The following TNRC6B variants were observed in gnomAD, a reference collection of about 807,000 sequenced individuals.
TNRC6B encodes trinucleotide repeat containing adaptor 6B.
TNRC6B carries 52 observed loss-of-function variants against 203.6 expected under a neutral mutation model. The ratio of observed to expected loss-of-function variants is 0.26; its 90% CI spans 0.20 to 0.32. TNRC6B has a LOEUF of 0.32. Ranked by LOEUF, TNRC6B falls within the 10% of genes least tolerant of loss-of-function variation. The pLI, the probability that TNRC6B is intolerant of heterozygous loss-of-function variation, is 1.00. For missense variants in TNRC6B, 1,923 were observed against 2,286.2 expected (o/e 0.84, Z 3.24); for synonymous variants, 838 against 845.7 (o/e 0.99, Z 0.16).
chr22:40,103,239 G>A (rs1190529743), intron 1 of TNRC6B, among the ~76,000 whole-genome samples: 1 of 151,108 alleles, frequency 6.6e-6, no homozygotes, highest in African/African-American at 2.4e-5. Flanking sequence ...CTGCACTCCA[G>A]CCTGGGCGAC....
intron 1 of TNRC6B, among the ~76,000 whole-genome samples, chr22:40,091,306 A>G (rs1379111846): frequency 6.6e-6 from 1 of 152,182 alleles, no homozygotes; most frequent in Non-Finnish European, 1.5e-5. Context: ...CATTAACCAT[A>G]TACCATCCCT....
chr22:40,230,282 C>CTT (rs56122256), intron 1 of TNRC6B, among the ~76,000 whole-genome samples: 49 of 94,434 alleles, frequency 5.2e-4, no homozygotes, highest in Middle Eastern at 6.9e-3. Flanking sequence ...TGCCCATCTT[C>CTT]TTTTTTTTTT....
intron 3 of TNRC6B, among the ~76,000 whole-genome samples, chr22:40,258,664 C>G (rs1299361679): frequency 6.6e-6 from 1 of 152,062 alleles, no homozygotes. Context: ...TCTCCTGGGC[C>G]AGAGCACACT....
In TNRC6B at chr22:40,286,459, A is replaced by G. The variant is rs553479045; in HGVS notation, c.3708+689A>G. On this transcript the variant is annotated intron_variant, in intron 12 of 22. Coordinates refer to ENST00000454349, the MANE Select transcript of TNRC6B (RefSeq NM_001162501.2). ...GAGGCAGAGGTTACAGTGAACCGAG[A>G]TGATGCCACTGCACTCCAGCCTGGG... 9.2e-4 allele frequency among the ~76,000 whole-genome samples: 140 copies of G among 152,282 alleles called. 1 individual carries two copies. Among genetic ancestry groups the G allele is most frequent in the African/African-American group, 2.6e-3 (110 of 41,568 alleles).
chr22:40,070,933 G>T (rs138531108), intron 1 of TNRC6B, among the ~76,000 whole-genome samples: 1 of 152,174 alleles, frequency 6.6e-6, no homozygotes, highest in African/African-American at 2.4e-5. Flanking sequence ...ATAGTTTCAT[G>T]TCAGTTCAGG....
intron 1 of TNRC6B, among the ~76,000 whole-genome samples, chr22:40,061,280 T>TATTGG (rs2067848757): frequency 6.6e-6 from 1 of 152,186 alleles, no homozygotes; most frequent in Non-Finnish European, 1.5e-5. Flanking sequence ...AATGGTGTGA[T>TATTGG]CTTGGCTCAC....
chr22:40,193,766 T>C (rs1218753529), intron 1 of TNRC6B, among the ~76,000 whole-genome samples: 1 of 152,044 alleles, frequency 6.6e-6, no homozygotes, highest in Non-Finnish European at 1.5e-5. Context: ...AAGCATTCAC[T>C]GTTTCTGTAA....
At chr22:40,213,728 G>A (rs531489203) in intron 1 of TNRC6B, among the ~76,000 whole-genome samples, 2 of 152,138 alleles carry the variant, frequency 1.3e-5, no homozygotes, top group South Asian at 2.1e-4. Context: ...TGCAGTGATC[G>A]CACAGCTAGT....
At chr22:40,046,888 G>A (rs181739272) in intron 1 of TNRC6B, among the ~76,000 whole-genome samples, 1,908 of 151,808 alleles carry the variant, frequency 0.013, 45 homozygotes, top group African/African-American at 0.043. Context: ...TTCATGATCC[G>A]CCCGCCTCGG....
intron 3 of TNRC6B, 54 bp from the exon 4 acceptor site, chr22:40,261,778 G>GA: frequency 1.5e-6 from 2 of 1,331,336 alleles, no homozygotes; most frequent in Non-Finnish European, 2.0e-6. Context: ...AAAATTTTTA[G>GA]AAAAAATGTA....
chr22:40,128,330 A>C (rs2068511969), intron 3 of TNRC6B, among the ~76,000 whole-genome samples: 1 of 152,194 alleles, frequency 6.6e-6, no homozygotes, highest in African/African-American at 2.4e-5. Context: ...GGAATGATTT[A>C]ATGTATGGCT....
At position 40,294,235 on chromosome 22, in the gene TNRC6B, A is replaced by T. The variant is rs1428586608; in HGVS notation, c.3709-6220A>T. On this transcript the variant is annotated intron_variant, in intron 12 of 22. Coordinates refer to ENST00000454349, the MANE Select transcript of TNRC6B (RefSeq NM_001162501.2). ...GCCACTGCACTCCAGTCTGGACAAT[A>T]GAGTGAGACCCTGTCTCAAAAAATC... Among the ~76,000 whole-genome samples the T allele has an allele frequency of 3.3e-5, 5 of 152,300 alleles. No individual in the cohort carries two copies. In the South Asian group the frequency reaches 1.0e-3, roughly 32 times the overall value.
At chr22:40,275,278 G>A (rs2070623347) in intron 7 of TNRC6B, among the ~76,000 whole-genome samples, 1 of 152,056 alleles carries the variant, frequency 6.6e-6, no homozygotes, top group South Asian at 2.1e-4. Flanking sequence ...GTGTGATTTT[G>A]GCTTTCTTTT....
Position 40,178,125 on chromosome 22 carries a change from T to G in TNRC6B, c.-11T>G. 1 of 1,613,518 alleles carries G rather than the reference T, an allele frequency of 6.2e-7. No homozygotes were observed. The highest frequency in any genetic ancestry group is 8.5e-7 in the Non-Finnish European group (1 of 1,179,708). On this transcript the variant is annotated 5_prime_UTR_variant, in exon 1 of 23. Transcript: ENST00000454349. ...GCCTCAATTTGCTGGATTTAAGCAC[T>G]GCTGCACTTTATGAGGTTGGTAAAT...
chr22:40,208,200 G>A (rs2069512360), intron 1 of TNRC6B, among the ~76,000 whole-genome samples: 2 of 151,996 alleles, frequency 1.3e-5, no homozygotes, highest in Non-Finnish European at 2.9e-5. Flanking sequence ...CTTTTCTGGT[G>A]GGAGTGTAAA....
chr22:40,074,504 C>T (rs1338450159), intron 1 of TNRC6B, among the ~76,000 whole-genome samples: 5 of 151,732 alleles, frequency 3.3e-5, no homozygotes, highest in Admixed American at 2.0e-4. Context: ...AATGGCTGGG[C>T]GCGGTGGCTC....
intron 8 of TNRC6B, among the ~76,000 whole-genome samples, chr22:40,277,463 T>C (rs1210479585): frequency 2.6e-5 from 4 of 152,250 alleles, no homozygotes; most frequent in Non-Finnish European, 4.4e-5. Flanking sequence ...TTTCATATTA[T>C]GATTTTTTAA....
intron 1 of TNRC6B, among the ~76,000 whole-genome samples, chr22:40,100,062 TTTTTATTATTTATTTA>T (rs897698349): frequency 8.6e-5 from 12 of 139,384 alleles, no homozygotes; most frequent in South Asian, 2.3e-4. Flanking sequence ...CTCCATTTTA[TTTTTATTATTTATTTA>T]TTTATTTATT....
chr22:40,105,839 G>GA (rs1331931420), intron 1 of TNRC6B, among the ~76,000 whole-genome samples: 1 of 152,158 alleles, frequency 6.6e-6, no homozygotes, highest in Non-Finnish European at 1.5e-5. Context: ...AACTTTAGCA[G>GA]AATCAAGCCA....
Sources: allele counts gnomAD v4.1 joint callset (sites outside exome capture counted in the v4.1 genomes callset), GRCh38; gene constraint gnomAD v4.1.1; transcripts MANE v1.5; gene names NCBI Gene and HGNC (gene_info 2026-07-23, HGNC 2026-07-21).